The following OSBPL8 variants were observed in gnomAD, a reference collection of about 807,000 sequenced individuals.
OSBPL8 encodes oxysterol binding protein like 8.
OSBPL8 carries 59 observed loss-of-function variants against 125.5 expected under a neutral mutation model. That is an observed-to-expected ratio of 0.47 (90% CI 0.38 to 0.58). The LOEUF (loss-of-function observed/expected upper bound fraction) is 0.58, where lower values mean the gene tolerates loss of function less well. OSBPL8 is among the 20% of genes least tolerant of loss of function. The probability of loss-of-function intolerance (pLI) is 0.00; values close to 1 mark genes in which losing one functional copy is unlikely to be tolerated. For missense variants in OSBPL8, 758 were observed against 1,047.8 expected, an observed-to-expected ratio of 0.72 and a Z score of 3.82; for synonymous variants, 330 against 338.9, an observed-to-expected ratio of 0.97 and a Z score of 0.29.
chr12:76,423,553 C>T (rs1280399201), intron 4 of OSBPL8, among the ~76,000 whole-genome samples: 1 of 152,156 alleles, frequency 6.6e-6, no homozygotes, highest in African/African-American at 2.4e-5. Context: ...TTTATTATCA[C>T]AGTGACAAAT....
At chr12:76,401,814 A>T (rs1318636315) in intron 6 of OSBPL8, among the ~76,000 whole-genome samples, 1 of 152,208 alleles carries the variant, frequency 6.6e-6, no homozygotes, top group Non-Finnish European at 1.5e-5. Context: ...CTATAAAATT[A>T]ATTTATCCAA....
At chr12:76,507,473 C>G (rs112213351) in intron 1 of OSBPL8, among the ~76,000 whole-genome samples, 105 of 151,516 alleles carry the variant, frequency 6.9e-4, no homozygotes, top group Non-Finnish European at 2.4e-4. Context: ...CCAGGATGTC[C>G]CAGGAGCTTT....
intron 1 of OSBPL8, among the ~76,000 whole-genome samples, chr12:76,527,069 CT>C (rs1741184272): frequency 6.6e-6 from 1 of 152,080 alleles, no homozygotes; most frequent in African/African-American, 2.4e-5. Flanking sequence ...ATTACTGACA[CT>C]CATTAAAATT....
At chr12:76,392,781 T>C in intron 9 of OSBPL8, 29 bp from the exon 10 acceptor site, 1 of 1,551,690 alleles carries the variant, frequency 6.4e-7, no homozygotes, top group Non-Finnish European at 8.8e-7. Flanking sequence ...ATAAGCACTA[T>C]AATTTTTAAA....
intron 4 of OSBPL8, among the ~76,000 whole-genome samples, chr12:76,436,690 T>TA (rs1341771293): frequency 6.6e-6 from 1 of 152,120 alleles, no homozygotes. Context: ...TTCATCTAGT[T>TA]ACAGAACTAG....
At chr12:76,406,138 T>C (rs1282881739) in intron 5 of OSBPL8, among the ~76,000 whole-genome samples, 2 of 152,204 alleles carry the variant, frequency 1.3e-5, no homozygotes, top group Non-Finnish European at 2.9e-5. Flanking sequence ...ATATTTCAGA[T>C]TGCAGGTGCT....
intron 1 of OSBPL8, among the ~76,000 whole-genome samples, chr12:76,554,037 T>G (rs1238502295): frequency 6.6e-6 from 1 of 151,742 alleles, no homozygotes; most frequent in Non-Finnish European, 1.5e-5. Context: ...ATCAGCCTTA[T>G]TCTTTAAAAC....
chr12:76,536,138 G>T (rs1021568893), intron 1 of OSBPL8, among the ~76,000 whole-genome samples: 5 of 151,860 alleles, frequency 3.3e-5, no homozygotes, highest in Non-Finnish European at 7.4e-5. Context: ...GTAGCGAAAG[G>T]CAAAATGATG....
At chr12:76,373,764 C>T (rs139906455) in intron 17 of OSBPL8, among the ~76,000 whole-genome samples, 9 of 152,044 alleles carry the variant, frequency 5.9e-5, no homozygotes, top group African/African-American at 2.2e-4. Flanking sequence ...ATCAATGTGA[C>T]GTTATCTTAA....
At chr12:76,437,517 G>A (rs1337950481) in intron 4 of OSBPL8, among the ~76,000 whole-genome samples, 1 of 152,112 alleles carries the variant, frequency 6.6e-6, no homozygotes, top group African/African-American at 2.4e-5. Flanking sequence ...TTAATCCATA[G>A]GAGTACTTAA....
intron 1 of OSBPL8, among the ~76,000 whole-genome samples, chr12:76,500,981 CTGCCAGGTCCTAGTAGGCATCTGAGTTTG>C (rs1173449196): frequency 6.6e-6 from 1 of 152,182 alleles, no homozygotes; most frequent in Non-Finnish European, 1.5e-5. Flanking sequence ...GCCCTTTTAT[CTGCCAGGTCCTAGTAGGCATCTGAGTTTG>C]TGCCAGTAAC....
chr12:76,418,819 T>C (rs1278858372), intron 4 of OSBPL8, among the ~76,000 whole-genome samples: 2 of 150,432 alleles, frequency 1.3e-5, no homozygotes, highest in African/African-American at 2.4e-5. Flanking sequence ...GGCGACAGAG[T>C]GAGACTCCAT....
intron 3 of OSBPL8, among the ~76,000 whole-genome samples, chr12:76,452,611 A>T (rs1165077113): frequency 1.3e-5 from 2 of 152,188 alleles, no homozygotes; most frequent in African/African-American, 2.4e-5. Context: ...TTACTGAGCA[A>T]TCTTTTAAAA....
chr12:76,370,252 A>AATTATCAGAGAATTTTT (rs1242402946), intron 19 of OSBPL8, among the ~76,000 whole-genome samples: 1 of 152,176 alleles, frequency 6.6e-6, no homozygotes, highest in Non-Finnish European at 1.5e-5. Flanking sequence ...TGGATCCATG[A>AATTATCAGAGAATTTTT]ATTATCAGAG....
chr12:76,375,159 T>TA (rs1565837817), intron 17 of OSBPL8, 114 bp downstream of exon 17: 1 of 663,192 alleles, frequency 1.5e-6, no homozygotes, highest in African/African-American at 1.8e-5. Context: ...TGACATGACA[T>TA]AAATTGTGTT....
chr12:76,390,719 T>C (rs1474817381), intron 10 of OSBPL8, 62 bp from the exon 11 acceptor site: 3 of 946,434 alleles, frequency 3.2e-6, no homozygotes, highest in Non-Finnish European at 5.0e-6. Flanking sequence ...AATTCATAAA[T>C]AATAATTATA....
At chr12:76,384,923 A>G (rs1411682049) in intron 14 of OSBPL8, among the ~76,000 whole-genome samples, 1 of 152,228 alleles carries the variant, frequency 6.6e-6, no homozygotes, top group Non-Finnish European at 1.5e-5. Context: ...ATCATATAAG[A>G]TAATAAATAC....
chr12:76,424,609 C>A (rs1869916837), intron 4 of OSBPL8, among the ~76,000 whole-genome samples: 1 of 152,258 alleles, frequency 6.6e-6, no homozygotes, highest in African/African-American at 2.4e-5. Flanking sequence ...ATTCAAATCT[C>A]TGTTTTATCT....
chr12:76,446,143 AT>A (rs1286692706), intron 4 of OSBPL8, among the ~76,000 whole-genome samples: 1 of 152,194 alleles, frequency 6.6e-6, no homozygotes, highest in African/African-American at 2.4e-5. Flanking sequence ...CCTCAGAGAC[AT>A]GAGGACCTTT....
Sources: gnomAD v4.1 joint callset for allele counts (sites outside exome capture counted in the v4.1 genomes callset) on GRCh38, gnomAD v4.1.1 for gene constraint, MANE v1.5 for transcripts, NCBI Gene and HGNC (gene_info 2026-07-23, HGNC 2026-07-21) for gene names.